TIAM2: variants seen among roughly 807,000 people sequenced by gnomAD.
TIAM2 encodes rho guanine nucleotide exchange factor TIAM2.
A neutral mutation model predicts 152.9 loss-of-function variants in TIAM2; 80 were observed. The ratio of observed to expected loss-of-function variants is 0.52; its 90% CI spans 0.44 to 0.63. TIAM2 has a LOEUF of 0.63. TIAM2 is among the 30% of genes least tolerant of loss of function. The pLI, the probability that TIAM2 is intolerant of heterozygous loss-of-function variation, is 0.00. For missense variants in TIAM2, 1,965 were observed against 2,120.1 expected (o/e 0.93, Z 1.44); for synonymous variants, 804 against 838.0 (o/e 0.96, Z 0.70).
chr6:155,176,936 C>T lies in TIAM2; in HGVS notation c.2482C>T (p.Pro828Ser). The stretch of plus-strand genomic sequence containing the variant: ...TCACGGAGTTACTGTAGGGATCAAG[C>T]CAGAGCACAGAGTAGAAGATATTTT... ...DNHGVTVGIK[P>S]EHRVEDILTL... Residue 828 changes from proline to serine, a missense_variant, in exon 10 of 27, where the codon CCA (proline) becomes TCA (serine). Transcript: ENST00000682666. 1 of 1,613,720 alleles carries T rather than the reference C, an allele frequency of 6.2e-7. No homozygotes were observed. Among genetic ancestry groups the T allele is most frequent in the Non-Finnish European group, 8.5e-7 (1 of 1,179,902 alleles).
chr6:155,126,360 A>G lies in TIAM2; in HGVS notation c.-117-1130A>G, dbSNP rs117135899. On this transcript the variant is annotated intron_variant, in intron 2 of 26. Coordinates refer to ENST00000682666, the MANE Select transcript of TIAM2 (RefSeq NM_012454.4). Reference sequence around the variant, plus strand: ...ATGGGTGCAGAGTTTCTGTTCTGCAAGATGGAAAGAGTTCTGAAGATGGAT... The same window carrying G: ...ATGGGTGCAGAGTTTCTGTTCTGCAGGATGGAAAGAGTTCTGAAGATGGAT... Among the ~76,000 whole-genome samples the G allele has an allele frequency of 1.4e-4, 21 of 152,334 alleles. No individual in the cohort carries two copies. In the East Asian group the frequency reaches 4.1e-3, roughly 29 times the overall value.
At chr6:155,039,166 G>T (rs1357759376) in intron 1 of TIAM2, among the ~76,000 whole-genome samples, 1 of 151,590 alleles carries the variant, frequency 6.6e-6, no homozygotes, top group Non-Finnish European at 1.5e-5. Context: ...TTGCCATGTT[G>T]TCAAGGCTGG....
At chr6:155,254,370 C>A in intron 25 of TIAM2, 49 bp from the exon 26 acceptor site, 3 of 1,593,234 alleles carry the variant, frequency 1.9e-6, no homozygotes, top group Non-Finnish European at 2.6e-6. Context: ...AATGGAAGCA[C>A]GATGAACACT....
At chr6:155,020,377 A>G (rs1380136593) in intron 1 of TIAM2, among the ~76,000 whole-genome samples, 5 of 152,230 alleles carry the variant, frequency 3.3e-5, no homozygotes, top group African/African-American at 1.2e-4. Flanking sequence ...TATAATTTGT[A>G]TGCTATAAAC....
intron 2 of TIAM2, among the ~76,000 whole-genome samples, chr6:155,093,930 A>G (rs1778355145): frequency 1.3e-5 from 2 of 152,180 alleles, no homozygotes; most frequent in Non-Finnish European, 2.9e-5. Flanking sequence ...AATGTTTTTT[A>G]GGATTGACAA....
intron 1 of TIAM2, among the ~76,000 whole-genome samples, chr6:155,017,004 C>T (rs1479087202): frequency 6.6e-6 from 1 of 152,188 alleles, no homozygotes; most frequent in African/African-American, 2.4e-5. Context: ...TACTTGAGTA[C>T]ATTCAAAAAG....
intron 7 of TIAM2, 89 bp from the exon 8 acceptor site, chr6:155,164,320 ATTTTTT>A: frequency 7.9e-7 from 1 of 1,268,934 alleles, no homozygotes; most frequent in Non-Finnish European, 1.1e-6. Context: ...GCCGAAACTA[ATTTTTT>A]CTTCAAGTTT....
intron 4 of TIAM2, among the ~76,000 whole-genome samples, chr6:155,134,426 C>T (rs567094888): frequency 1.5e-5 from 2 of 131,856 alleles, no homozygotes; most frequent in African/African-American, 5.9e-5. Flanking sequence ...AAAGAAAACT[C>T]CTTGCTTTGC....
Position 155,256,896 on chromosome 6 carries a change from G to A in TIAM2, c.4881G>A (p.Leu1627=), listed in dbSNP as rs777678226. Residue 1627 remains leucine (L), a synonymous_variant, in exon 27 of 27, where the codon CTG becomes CTA. Coordinates refer to ENST00000682666, the MANE Select transcript of TIAM2 (RefSeq NM_012454.4). The part of the protein sequence containing the change: ...EGQKGGEQPK[L]VRGHFCPIKR... ...AGAAAGGAGGAGAGCAGCCCAAACT[G>A]GTCCGGGGGCACTTCTGCCCCATTA... 2 of 1,614,196 alleles carry A rather than the reference G, an allele frequency of 1.2e-6. No homozygotes were observed. Among genetic ancestry groups the A allele is most frequent in the Non-Finnish European group, 1.7e-6 (2 of 1,180,034 alleles).
chr6:155,252,117 C>A, intron 23 of TIAM2, 114 bp downstream of exon 23: 1 of 751,664 alleles, frequency 1.3e-6, no homozygotes, highest in Non-Finnish European at 2.2e-6. Flanking sequence ...ATACTGCTTA[C>A]TCTGAGGGTA....
At chr6:155,130,863 G>A (rs1779429940) in intron 4 of TIAM2, among the ~76,000 whole-genome samples, 3 of 152,062 alleles carry the variant, frequency 2.0e-5, no homozygotes, top group Admixed American at 2.0e-4. Context: ...TTCTTATAAG[G>A]ACCCTAATCC....
intron 10 of TIAM2, 147 bp from the exon 11 acceptor site, chr6:155,178,892 A>G: frequency 3.0e-6 from 2 of 667,920 alleles, no homozygotes; most frequent in East Asian, 2.9e-5. Context: ...AAGTATTTAA[A>G]TTCGAGCTCT....
chr6:155,090,986 G>A (rs1474525726), intron 2 of TIAM2, among the ~76,000 whole-genome samples: 1 of 152,164 alleles, frequency 6.6e-6, no homozygotes, highest in Non-Finnish European at 1.5e-5. Context: ...GTTTGAAATG[G>A]TGGCAGGTAG....
Position 155,257,244 on chromosome 6 carries a change from T to C in TIAM2, c.*123T>C, listed in dbSNP as rs1003349783. On this transcript the variant is annotated 3_prime_UTR_variant, in exon 27 of 27. Coordinates refer to ENST00000682666, the MANE Select transcript of TIAM2 (RefSeq NM_012454.4). ...TTCCTGGGTTTTGTGCAGTATACAT[T>C]TTCCCACAAAATGGTTGTAAAGATT... 3 of 1,090,950 alleles carry C rather than the reference T, an allele frequency of 2.7e-6. No homozygotes were observed. 67.6% of individuals were successfully genotyped at this position (1,090,950 alleles called of 1,614,324 possible).
intron 1 of TIAM2, among the ~76,000 whole-genome samples, chr6:155,044,550 C>T (rs796227500): frequency 2.0e-5 from 3 of 152,180 alleles, no homozygotes; most frequent in African/African-American, 7.2e-5. Context: ...GGTGCAGTGG[C>T]TTACGCCTGT....
chr6:155,198,227 T>A (rs1221193605), intron 14 of TIAM2, among the ~76,000 whole-genome samples: 1 of 152,220 alleles, frequency 6.6e-6, no homozygotes, highest in Non-Finnish European at 1.5e-5. Context: ...CCTGTCCTAA[T>A]TAACCTACTA....
chr6:155,097,780 A>T (rs544012439), intron 2 of TIAM2, among the ~76,000 whole-genome samples: 1 of 152,324 alleles, frequency 6.6e-6, no homozygotes, highest in Non-Finnish European at 1.5e-5. Context: ...TGGCCGTTTC[A>T]TATTTTCAGG....
intron 1 of TIAM2, among the ~76,000 whole-genome samples, chr6:155,008,660 G>C (rs1365114826): frequency 6.6e-6 from 1 of 152,106 alleles, no homozygotes; most frequent in Admixed American, 6.6e-5. Context: ...GCCCAGAGAA[G>C]CTGGAAGTAA....
At chr6:155,189,718 G>A (rs1202167929) in intron 14 of TIAM2, among the ~76,000 whole-genome samples, 1 of 151,910 alleles carries the variant, frequency 6.6e-6, no homozygotes, top group Non-Finnish European at 1.5e-5. Flanking sequence ...TGTAAATCCT[G>A]GCTCCAAAGA....
Sources: gnomAD v4.1 joint callset for allele counts (sites outside exome capture counted in the v4.1 genomes callset) on GRCh38, gnomAD v4.1.1 for gene constraint, MANE v1.5 for transcripts, NCBI Gene and HGNC (gene_info 2026-07-23, HGNC 2026-07-21) for gene names.